ZFYVE1: variants seen among roughly 807,000 people sequenced by gnomAD.
The protein encoded by ZFYVE1 is zinc finger FYVE-type containing 1.
A neutral mutation model predicts 74.4 loss-of-function variants in ZFYVE1; 30 were observed. The ratio of observed to expected loss-of-function variants is 0.40; its 90% CI spans 0.30 to 0.55. The LOEUF (loss-of-function observed/expected upper bound fraction) is 0.55, where lower values mean the gene tolerates loss of function less well. ZFYVE1 is among the 20% of genes least tolerant of loss of function. ZFYVE1 has a pLI of 0.42. For synonymous variants in ZFYVE1, 335 were observed against 385.1 expected (o/e 0.87, Z 1.52); for missense variants, 703 against 1,011.6 (o/e 0.69, Z 4.14).
chr14:72,982,907 G>A (rs374502194), intron 4 of ZFYVE1, among the ~76,000 whole-genome samples: 22 of 151,984 alleles, frequency 1.4e-4, no homozygotes, highest in Non-Finnish European at 2.6e-4. Flanking sequence ...GCACTGGCAC[G>A]ATCTTGGCTC....
chr14:72,974,697 T>A (rs1893120204), intron 10 of ZFYVE1, 82 bp downstream of exon 10: 1 of 1,496,002 alleles, frequency 6.7e-7, no homozygotes, highest in African/African-American at 1.4e-5. Context: ...GATTAGGGCA[T>A]CTGGATATCC....
intron 2 of ZFYVE1, among the ~76,000 whole-genome samples, chr14:73,005,192 A>G (rs1893953068): frequency 6.6e-6 from 1 of 151,130 alleles, no homozygotes; most frequent in Non-Finnish European, 1.5e-5. Context: ...CAGAAAGGAG[A>G]GAACAGCCTA....
At chr14:73,026,136 A>G (rs1894455832) in intron 1 of ZFYVE1, among the ~76,000 whole-genome samples, 1 of 151,196 alleles carries the variant, frequency 6.6e-6, no homozygotes, top group Non-Finnish European at 1.5e-5. Context: ...ACTAACTGAA[A>G]AAAAAAAAAA....
intron 2 of ZFYVE1, among the ~76,000 whole-genome samples, chr14:73,020,866 T>C (rs1456648493): frequency 6.6e-6 from 1 of 152,136 alleles, no homozygotes; most frequent in East Asian, 1.9e-4. Flanking sequence ...TCCCAGGTAC[T>C]GGGATTATAG....
intron 2 of ZFYVE1, among the ~76,000 whole-genome samples, chr14:73,016,317 C>T (rs1341504449): frequency 6.6e-6 from 1 of 152,054 alleles, no homozygotes; most frequent in East Asian, 1.9e-4. Flanking sequence ...CAAGACCATC[C>T]TGGATAACAC....
intron 11 of ZFYVE1, among the ~76,000 whole-genome samples, chr14:72,972,017 T>C (rs1285318330): frequency 6.6e-6 from 1 of 151,748 alleles, no homozygotes; most frequent in Non-Finnish European, 1.5e-5. Flanking sequence ...AGGTCAGGAG[T>C]TCGAGACCAG....
intron 4 of ZFYVE1, among the ~76,000 whole-genome samples, chr14:72,982,247 G>A (rs1482892512): frequency 1.3e-5 from 2 of 152,126 alleles, no homozygotes; most frequent in African/African-American, 2.4e-5. Context: ...CAAGACTCAC[G>A]AGGATGGCTC....
chr14:73,021,931 AAAAC>A (rs951216354), intron 2 of ZFYVE1, among the ~76,000 whole-genome samples: 6 of 152,218 alleles, frequency 3.9e-5, no homozygotes, highest in Non-Finnish European at 8.8e-5. Context: ...CCTCCCCAAA[AAAAC>A]ATTCTTTTTA....
chr14:72,978,095 C>A lies in ZFYVE1; in HGVS notation c.1517+42G>T, dbSNP rs200206021. The A allele has an allele frequency of 1.1e-5, 17 of 1,613,748 alleles. No homozygotes were observed. In the Admixed American group the frequency reaches 2.5e-4, roughly 24 times the overall value. On this transcript the variant is annotated intron_variant, in intron 7 of 11. Transcript: ENST00000556143. ...TTACCCAGCCAGGTGCCTGGGGAGA[C>A]AAACGCACCAGAAAACCTTGAGCCA...
chr14:72,978,566 CAAAAAAAA>C (rs58858186), intron 6 of ZFYVE1, among the ~76,000 whole-genome samples: 3 of 50,974 alleles, frequency 5.9e-5, no homozygotes, highest in Admixed American at 3.1e-4. Context: ...GACTCTGTCT[CAAAAAAAA>C]AAAAAAAAAA....
At chr14:72,996,746 C>G (rs1259875748) in intron 3 of ZFYVE1, among the ~76,000 whole-genome samples, 1 of 152,180 alleles carries the variant, frequency 6.6e-6, no homozygotes, top group Non-Finnish European at 1.5e-5. Context: ...CCTGTAAGTA[C>G]GGAGGTATGC....
chr14:72,974,982 C>G (rs1211155488), intron 9 of ZFYVE1, 23 bp from the exon 10 acceptor site: 2 of 1,589,866 alleles, frequency 1.3e-6, no homozygotes, highest in African/African-American at 1.3e-5. Context: ...CAAAACAAAA[C>G]AGAGAGGCAG....
intron 2 of ZFYVE1, among the ~76,000 whole-genome samples, chr14:73,005,223 G>C (rs1042413190): frequency 6.6e-6 from 1 of 152,036 alleles, no homozygotes; most frequent in Non-Finnish European, 1.5e-5. Flanking sequence ...TAGCAAGACC[G>C]GTTTTCAGTC....
At chr14:72,981,742 C>G in intron 5 of ZFYVE1, 47 bp downstream of exon 5, 1 of 1,568,324 alleles carries the variant, frequency 6.4e-7, no homozygotes, top group Non-Finnish European at 8.8e-7. Flanking sequence ...CTCAAAGGCT[C>G]TATTCTCAAG....
At chr14:72,973,632 C>T (rs578208468) in intron 11 of ZFYVE1, among the ~76,000 whole-genome samples, 3 of 152,256 alleles carry the variant, frequency 2.0e-5, no homozygotes, top group East Asian at 1.9e-4. Flanking sequence ...ATACAAAGAC[C>T]GAGTGAGGCT....
At position 72,998,320 on chromosome 14, in the gene ZFYVE1, A is replaced by AG. The variant is rs1491019000; in HGVS notation, c.484-6_484-5insC. The AG allele has an allele frequency of 1.1e-5, 6 of 564,614 alleles. No individual in the cohort carries two copies. The highest frequency in any genetic ancestry group is 1.1e-5 in the Non-Finnish European group (5 of 451,846). The allele number at this position is 564,614 out of a possible 1,614,324, so 35.0% of individuals were successfully genotyped here. A position where few individuals can be genotyped will look rare whatever the true frequency, so the allele number is the denominator to read the frequency against. ...AAAGTCTTCTTCATTTGTTACCTGC[A>AG]AAAAAAAAAAAAAAGACCATGAAAT... On this transcript the variant is annotated splice_region_variant and splice_polypyrimidine_tract_variant and intron_variant, in intron 2 of 11. Transcript: ENST00000556143.
chr14:72,997,808 C>G lies in ZFYVE1; in HGVS notation c.988+3G>C. 6.3e-7 allele frequency: 1 copy of G among 1,580,356 alleles called. No homozygotes were observed. Among genetic ancestry groups the G allele is most frequent in the Non-Finnish European group, 8.6e-7 (1 of 1,157,394 alleles). On this transcript the variant is annotated splice_donor_region_variant and intron_variant, in intron 3 of 11. Coordinates refer to ENST00000556143, the MANE Select transcript of ZFYVE1 (RefSeq NM_021260.4). ...AGCTGTGACACTGTACCCCATCTCT[C>G]ACCAGAGCCCAGTAGCTGGGTGTGC...
At chr14:72,986,563 C>CTTT (rs751115992) in intron 4 of ZFYVE1, among the ~76,000 whole-genome samples, 2 of 136,798 alleles carry the variant, frequency 1.5e-5, no homozygotes, top group Non-Finnish European at 3.2e-5. Context: ...TCAGCTTTTC[C>CTTT]TTTTTTTTTT....
At position 72,992,626 on chromosome 14, in the gene ZFYVE1, C is replaced by CCG. The variant is rs1555532831; in HGVS notation, c.1203+516_1203+517insCG. Among the ~76,000 whole-genome samples, 126 of 108,976 alleles carry CCG rather than the reference C, an allele frequency of 1.2e-3. 5 individuals are homozygous for CCG. Among genetic ancestry groups the CCG allele is most frequent in the South Asian group, 3.0e-3 (8 of 2,654 alleles). 71.5% of individuals were successfully genotyped at this position (108,976 alleles called of 152,430 possible). A position where few individuals can be genotyped will look rare whatever the true frequency, so the allele number is the denominator to read the frequency against. On this transcript the variant is annotated intron_variant, in intron 4 of 11. Coordinates refer to ENST00000556143, the MANE Select transcript of ZFYVE1 (RefSeq NM_021260.4). Reference sequence around the variant, plus strand: ...GGTCCCATTCAGGTGCCCCCCCCGCCCCTTGCAAGAGAGAGAGAGCTGTTC... The same window carrying CCG: ...GGTCCCATTCAGGTGCCCCCCCCGCCCGCCTTGCAAGAGAGAGAGAGCTGTTC...
Sources: gnomAD v4.1 joint callset for allele counts (sites outside exome capture counted in the v4.1 genomes callset) on GRCh38, gnomAD v4.1.1 for gene constraint, MANE v1.5 for transcripts, NCBI Gene and HGNC (gene_info 2026-07-23, HGNC 2026-07-21) for gene names.